Variants in CCNYL1 observed in about 807,000 individuals in gnomAD.
CCNYL1 encodes cyclin-Y-like protein 1.
A neutral mutation model predicts 44.2 loss-of-function variants in CCNYL1; 16 were observed. The observed-to-expected ratio is 0.36, with a 90% CI of 0.25 to 0.55. The LOEUF (loss-of-function observed/expected upper bound fraction) is 0.55. Ranked by LOEUF, CCNYL1 falls within the 20% of genes least tolerant of loss-of-function variation. The pLI, the probability that CCNYL1 is intolerant of heterozygous loss-of-function variation, is 0.85. For synonymous variants in CCNYL1, 159 were observed against 163.2 expected (o/e 0.97, Z 0.20); for missense variants, 348 against 451.8 (o/e 0.77, Z 2.08).
At chr2:207,720,897 T>C (rs2091635562) in intron 1 of CCNYL1, among the ~76,000 whole-genome samples, 1 of 152,104 alleles carries the variant, frequency 6.6e-6, no homozygotes, top group Non-Finnish European at 1.5e-5. Context: ...TAGAGCAGTG[T>C]TTCGGAAACC....
Position 207,711,738 on chromosome 2 carries a change from G to A in CCNYL1, c.-159G>A, listed in dbSNP as rs1221331188. ...GGGCCGGGCCGCGGGGCGGGCGGGC[G>A]AACCGCGGGCGAGGCGGCGTCTGCT... On this transcript the variant is annotated 5_prime_UTR_variant, in exon 1 of 10. Transcript: ENST00000295414. 1.2e-5 allele frequency: 4 copies of A among 336,396 alleles called. No individual in the cohort carries two copies. Among genetic ancestry groups the A allele is most frequent in the Non-Finnish European group, 2.0e-5 (4 of 197,964 alleles). The allele number at this position is 336,396 out of a possible 1,614,324, so 20.8% of individuals were successfully genotyped here.
chr2:207,717,625 G>A lies in CCNYL1; in HGVS notation c.220+5509G>A, dbSNP rs187261100. On this transcript the variant is annotated intron_variant, in intron 1 of 9. Coordinates refer to ENST00000295414, the MANE Select transcript of CCNYL1 (RefSeq NM_001330218.2). ...GATGAAAGATGGCTGCTCTCCTTACGTGACCTGTGAGCAGTCCTAAAGTGA... is the reference window on the plus strand; with the variant it reads ...GATGAAAGATGGCTGCTCTCCTTACATGACCTGTGAGCAGTCCTAAAGTGA... Among the ~76,000 whole-genome samples, 6 of 152,302 alleles carry A rather than the reference G, an allele frequency of 3.9e-5. No homozygotes were observed. The East Asian group carries it at 5.8e-4, about 15-fold the overall frequency.
intron 7 of CCNYL1, among the ~76,000 whole-genome samples, chr2:207,746,781 AC>A (rs1259410231): frequency 6.6e-6 from 1 of 152,182 alleles, no homozygotes; most frequent in Admixed American, 6.5e-5. Context: ...TTCGAGACCA[AC>A]CTGACCAAAA....
chr2:207,721,578 C>T (rs2091640211), intron 1 of CCNYL1, among the ~76,000 whole-genome samples: 1 of 152,064 alleles, frequency 6.6e-6, no homozygotes, highest in Non-Finnish European at 1.5e-5. Flanking sequence ...TTTTGTCTTA[C>T]TTGCCCCCCA....
At chr2:207,739,287 C>G (rs964798049) in intron 5 of CCNYL1, among the ~76,000 whole-genome samples, 6 of 152,146 alleles carry the variant, frequency 3.9e-5, no homozygotes, top group Non-Finnish European at 8.8e-5. Context: ...GGCTGGAGGG[C>G]ACTGGTGCCA....
chr2:207,753,676 G>C lies in CCNYL1; in HGVS notation c.1058G>C (p.Arg353Pro). 2 of 1,610,496 alleles carry C rather than the reference G, an allele frequency of 1.2e-6. No homozygotes were observed. Among genetic ancestry groups the C allele is most frequent in the Non-Finnish European group, 1.7e-6 (2 of 1,177,314 alleles). The stretch of plus-strand genomic sequence containing the variant: ...GCTGATAACTTCATTGGTATTCAGC[G>C]CTCTAAAGCCATCCTCTCTTAAAAG... The part of the protein sequence containing the change: ...FSADNFIGIQ[R>P]SKAILS The change falls in exon 10 of 10, where the codon CGC (arginine) becomes CCC (proline). Residue 353 changes from arginine (R) to proline (P), a missense_variant. By Grantham distance (103) the Arg-to-Pro change is moderately radical. Around this residue, in one of 3 missense-constraint regions of CCNYL1, gnomAD observed 94 missense variants for 102.4 expected, o/e 0.92. Transcript: ENST00000295414.
At position 207,730,252 on chromosome 2, in the gene CCNYL1, A is replaced by G. The variant is rs2105827257; in HGVS notation, c.330+3376A>G. Among the ~76,000 whole-genome samples the G allele has an allele frequency of 3.3e-5, 5 of 152,226 alleles. No individual in the cohort carries two copies. The South Asian group carries it at 1.0e-3, about 32-fold the overall frequency. The stretch of plus-strand genomic sequence containing the variant: ...GAGGACAGGTGGACCTGGGACTCCA[A>G]CTACATATTTTCAGCCGACCTTGCT... On this transcript the variant is annotated intron_variant, in intron 3 of 9. Coordinates refer to ENST00000295414, the MANE Select transcript of CCNYL1 (RefSeq NM_001330218.2).
chr2:207,730,180 T>A (rs765617856), intron 3 of CCNYL1, among the ~76,000 whole-genome samples: 7 of 152,118 alleles, frequency 4.6e-5, no homozygotes, highest in Non-Finnish European at 8.8e-5. Context: ...CAGATTTCAG[T>A]CCTACTATTT....
chr2:207,744,981 A>G (rs1418172649), intron 7 of CCNYL1, among the ~76,000 whole-genome samples: 4 of 152,144 alleles, frequency 2.6e-5, no homozygotes, highest in Non-Finnish European at 5.9e-5. Flanking sequence ...GCCCTGTACA[A>G]TATTAGGGAA....
chr2:207,727,880 A>G lies in CCNYL1; in HGVS notation c.330+1004A>G, dbSNP rs137982212. Reference sequence around the variant, plus strand: ...ATCCTTCCTAGTTTTACCGGAGTACATTTTCCTGGGAAAGGGCCCATAGAC... The same window carrying G: ...ATCCTTCCTAGTTTTACCGGAGTACGTTTTCCTGGGAAAGGGCCCATAGAC... On this transcript the variant is annotated intron_variant, in intron 3 of 9. Coordinates refer to ENST00000295414, the MANE Select transcript of CCNYL1 (RefSeq NM_001330218.2). Among the ~76,000 whole-genome samples the G allele has an allele frequency of 5.5e-3, 825 of 150,680 alleles. 6 individuals are homozygous for G. The highest frequency in any genetic ancestry group is 0.019 in the African/African-American group (787 of 40,952).
chr2:207,720,830 A>G (rs1229874542), intron 1 of CCNYL1, among the ~76,000 whole-genome samples: 6 of 152,232 alleles, frequency 3.9e-5, no homozygotes, highest in Non-Finnish European at 8.8e-5. Context: ...TCACTAAAAC[A>G]TAGATTGAGG....
At chr2:207,729,250 G>GCCCCCCCCCCCCCCCCCCCCCCCCC (rs1247562126) in intron 3 of CCNYL1, among the ~76,000 whole-genome samples, 2 of 68,188 alleles carry the variant, frequency 2.9e-5, no homozygotes, top group Admixed American at 1.4e-4. Flanking sequence ...ACTTGTCTCC[G>GCCCCCCCCCCCCCCCCCCCCCCCCC]CCCCCCCCCG....
chr2:207,716,879 G>T (rs1309147775), intron 1 of CCNYL1, among the ~76,000 whole-genome samples: 1 of 152,176 alleles, frequency 6.6e-6, no homozygotes, highest in East Asian at 1.9e-4. Context: ...GGAGGCCGAG[G>T]CGGGTGGATC....
At chr2:207,746,907 C>T (rs1228363463) in intron 7 of CCNYL1, 140 bp from the exon 8 acceptor site, 7 of 598,342 alleles carry the variant, frequency 1.2e-5, no homozygotes, top group African/African-American at 1.9e-5. Flanking sequence ...ACCTGGGAGG[C>T]GGAGGTTCTG....
rs113456617 is a variant in CCNYL1, at chr2:207,742,809, G to A, written c.639+467G>A. Among the ~76,000 whole-genome samples, 149 of 152,280 alleles carry A rather than the reference G, an allele frequency of 9.8e-4. No individual in the cohort carries two copies. In the Middle Eastern group the frequency reaches 0.01, roughly 10 times the overall value. ...AAATTCTTTGTTCCTTGGATGATGGGTTTTAATCATCTCTGCCTACCTCTT... is the reference window on the plus strand; with the variant it reads ...AAATTCTTTGTTCCTTGGATGATGGATTTTAATCATCTCTGCCTACCTCTT... On this transcript the variant is annotated intron_variant, in intron 7 of 9. Transcript: ENST00000295414.
At chr2:207,721,369 T>TG (rs2091638746) in intron 1 of CCNYL1, among the ~76,000 whole-genome samples, 1 of 152,248 alleles carries the variant, frequency 6.6e-6, no homozygotes, top group African/African-American at 2.4e-5. Flanking sequence ...AGTTTACAAT[T>TG]GCATAATTTT....
Position 207,750,970 on chromosome 2 carries a change from A to G in CCNYL1, c.820A>G (p.Arg274Gly), listed in dbSNP as rs202204920. 1.2e-6 allele frequency: 2 copies of G among 1,613,668 alleles called. No homozygotes were observed. The highest frequency in any genetic ancestry group is 1.7e-6 in the Non-Finnish European group (2 of 1,179,798). The change falls in exon 9 of 10, where the codon AGG (arginine) becomes GGG (glycine). Residue 274 changes from arginine to glycine, a missense_variant. By Grantham distance (125) the Arg-to-Gly change is moderately radical. Transcript: ENST00000295414. ...TTCCTCCTCCAGGAATGAAATGGAAAGGCATTTTCTGGAGCTTCTTCAGTT... is the reference window on the plus strand; with the variant it reads ...TTCCTCCTCCAGGAATGAAATGGAAGGGCATTTTCTGGAGCTTCTTCAGTT... ...ITVEDMNEME[R>G]HFLELLQFNI...
intron 5 of CCNYL1, among the ~76,000 whole-genome samples, chr2:207,738,821 G>GCGATT (rs1372257915): frequency 1.3e-5 from 2 of 152,012 alleles, no homozygotes; most frequent in Admixed American, 6.6e-5. Context: ...CCGGGTTCAA[G>GCGATT]CGATTCTCCT....
Position 207,753,077 on chromosome 2 carries a change from G to A in CCNYL1, c.970-511G>A, listed in dbSNP as rs570525751. ...AATATGTATTTCTACCATAATTAAC[G>A]TGCATGTGAAGTAATACCTTTTGGC... On this transcript the variant is annotated intron_variant, in intron 9 of 9. Transcript: ENST00000295414. 1.1e-3 allele frequency among the ~76,000 whole-genome samples: 161 copies of A among 151,696 alleles called. 2 individuals carry two copies. The Middle Eastern group carries it at 0.014, about 13-fold the overall frequency.
Sources: allele counts gnomAD v4.1 joint callset (sites outside exome capture counted in the v4.1 genomes callset), GRCh38; gene constraint gnomAD v4.1.1; regional missense constraint gnomAD v4.1.1; transcripts MANE v1.5; gene names NCBI Gene and HGNC (gene_info 2026-07-23, HGNC 2026-07-21).